The following SEPTIN11 variants were observed in gnomAD, a reference collection of about 807,000 sequenced individuals.
The protein encoded by SEPTIN11 is septin-11.
In SEPTIN11, 25 loss-of-function variants were observed where a neutral mutation model predicts 51.4. The observed-to-expected ratio is 0.49, with a 90% CI of 0.35 to 0.68. The LOEUF is 0.68. SEPTIN11 is among the 30% of genes least tolerant of loss of function. The pLI, the probability that SEPTIN11 is intolerant of heterozygous loss-of-function variation, is 0.00. For missense variants in SEPTIN11, 381 were observed against 520.8 expected (o/e 0.73, Z 2.61); for synonymous variants, 174 against 184.1 (o/e 0.95, Z 0.44).
At chr4:76,994,733 G>T (rs1341223628) in intron 1 of SEPTIN11, among the ~76,000 whole-genome samples, 1 of 151,982 alleles carries the variant, frequency 6.6e-6, no homozygotes, top group Non-Finnish European at 1.5e-5. Flanking sequence ...TAAAATCACT[G>T]CATTTCTGGA....
chr4:76,962,358 C>T lies in SEPTIN11; in HGVS notation c.27+12428C>T, dbSNP rs771867527. On this transcript the variant is annotated intron_variant, in intron 1 of 9. Transcript: ENST00000264893. ...GCTATAACTAGCGTTTTAAAAATCTCAATCTTTAAATGCCTTTTAAGATAA... is the reference window on the plus strand; with the variant it reads ...GCTATAACTAGCGTTTTAAAAATCTTAATCTTTAAATGCCTTTTAAGATAA... 1.9e-4 allele frequency among the ~76,000 whole-genome samples: 29 copies of T among 152,346 alleles called. No homozygotes were observed. In the Middle Eastern group the frequency reaches 0.014, roughly 71 times the overall value.
At position 77,035,866 on chromosome 4, in the gene SEPTIN11, T is replaced by C; in HGVS notation, c.*1354T>C. 1.0e-6 allele frequency: 1 copy of C among 985,920 alleles called. No individual in the cohort carries two copies. The highest frequency in any genetic ancestry group is 1.2e-6 in the Non-Finnish European group (1 of 829,972). 61.1% of individuals were successfully genotyped at this position (985,920 alleles called of 1,614,324 possible). A position where few individuals can be genotyped will look rare whatever the true frequency, so the allele number is the denominator to read the frequency against. On this transcript the variant is annotated 3_prime_UTR_variant, in exon 10 of 10. Transcript: ENST00000264893. ...GATGCTTATCCTTTCATCTGTGTGATTGTTTTTTCCCCTCTACTAACAAGA... is the reference window on the plus strand; with the variant it reads ...GATGCTTATCCTTTCATCTGTGTGACTGTTTTTTCCCCTCTACTAACAAGA...
chr4:76,977,640 T>G (rs1252294323), intron 1 of SEPTIN11, among the ~76,000 whole-genome samples: 5 of 152,146 alleles, frequency 3.3e-5, no homozygotes, highest in African/African-American at 4.8e-5. Flanking sequence ...AGTCTAATTT[T>G]AATACCAGGT....
intron 1 of SEPTIN11, among the ~76,000 whole-genome samples, chr4:76,971,328 C>T (rs1315412787): frequency 6.6e-6 from 1 of 152,034 alleles, no homozygotes; most frequent in African/African-American, 2.4e-5. Context: ...AGTAACTTTC[C>T]CCAAAGTCAT....
intron 8 of SEPTIN11, among the ~76,000 whole-genome samples, chr4:77,029,264 C>T (rs72860205): frequency 6.6e-6 from 1 of 152,120 alleles, no homozygotes; most frequent in African/African-American, 2.4e-5. Context: ...TAGTCCCCTC[C>T]CCTGGCCAGA....
chr4:76,962,638 G>C (rs139889987), intron 1 of SEPTIN11, among the ~76,000 whole-genome samples: 259 of 152,134 alleles, frequency 1.7e-3, no homozygotes, highest in African/African-American at 5.9e-3. Context: ...TTTTGTGTTT[G>C]TTTTTTTCCT....
intron 1 of SEPTIN11, chr4:76,959,268 TAA>T (rs369127502): frequency 0.048 from 5,777 of 120,578 alleles, 155 homozygotes; most frequent in East Asian, 0.13. Context: ...TTTTTTTTTT[TAA>T]AAATAATAAT....
chr4:76,993,339 G>A (rs1275078768), intron 1 of SEPTIN11, among the ~76,000 whole-genome samples: 1 of 152,092 alleles, frequency 6.6e-6, no homozygotes, highest in Non-Finnish European at 1.5e-5. Flanking sequence ...TTCAGAACTG[G>A]ATGCCAAGCA....
intron 1 of SEPTIN11, among the ~76,000 whole-genome samples, chr4:76,968,151 A>C (rs748759860): frequency 1.3e-5 from 2 of 152,212 alleles, no homozygotes; most frequent in Non-Finnish European, 2.9e-5. Flanking sequence ...TAGGCCATGA[A>C]ATTATTTATG....
intron 1 of SEPTIN11, among the ~76,000 whole-genome samples, chr4:76,977,545 T>C (rs1722558344): frequency 6.6e-6 from 1 of 152,162 alleles, no homozygotes; most frequent in Non-Finnish European, 1.5e-5. Flanking sequence ...GTAAAAGTAT[T>C]GCTAGTTTTT....
chr4:76,949,907 G>C lies in SEPTIN11; in HGVS notation c.4G>C (p.Ala2Pro), dbSNP rs751652079. 59 of 1,530,574 alleles carry C rather than the reference G, an allele frequency of 3.9e-5. No individual in the cohort carries two copies. The highest frequency in any genetic ancestry group is 5.1e-5 in the Non-Finnish European group (59 of 1,146,416). The allele number at this position is 1,530,574 out of a possible 1,614,324, so 94.8% of individuals were successfully genotyped here. ...CGGAGCCGGTGCCGCAGCTGCGATG[G>C]CCGTGGCCGTGGGGAGACCGTCTGT... is the stretch of plus-strand genomic sequence containing the variant. MAVAVGRPSNEE... is the reference protein window; with the variant it reads MPVAVGRPSNEE... The change falls in exon 1 of 10, where the codon GCC (alanine) becomes CCC (proline). Residue 2 changes from alanine to proline, a missense_variant. By Grantham distance (27) the Ala-to-Pro change is conservative. Transcript: ENST00000264893.
chr4:76,968,841 T>C (rs2645668), intron 1 of SEPTIN11, among the ~76,000 whole-genome samples: 16,816 of 152,234 alleles, frequency 0.11, 1,649 homozygotes, highest in African/African-American at 0.25. Context: ...GATGGTAGCT[T>C]GAGCAAAATG....
At position 77,036,519 on chromosome 4, in the gene SEPTIN11, C is replaced by A; in HGVS notation, c.*2007C>A. 1 of 1,369,414 alleles carries A rather than the reference C, an allele frequency of 7.3e-7. No individual in the cohort carries two copies. The highest frequency in any genetic ancestry group is 1.6e-5 in the South Asian group (1 of 62,336). The allele number at this position is 1,369,414 out of a possible 1,614,324, so 84.8% of individuals were successfully genotyped here. ...AATTTTTTTAAAATGAGCATAACAA[C>A]GAAAGGCATCCAGCTGACTTTTTGA... On this transcript the variant is annotated 3_prime_UTR_variant, in exon 10 of 10. Coordinates refer to ENST00000264893, the MANE Select transcript of SEPTIN11 (RefSeq NM_018243.4).
chr4:76,952,235 C>G (rs141595569), intron 1 of SEPTIN11, among the ~76,000 whole-genome samples: 3 of 152,270 alleles, frequency 2.0e-5, no homozygotes, highest in African/African-American at 7.2e-5. Context: ...GTTAAGAGTT[C>G]TCTGGCCCTC....
intron 1 of SEPTIN11, among the ~76,000 whole-genome samples, chr4:76,985,282 A>G (rs1722967505): frequency 6.6e-6 from 1 of 152,234 alleles, no homozygotes; most frequent in Non-Finnish European, 1.5e-5. Context: ...AGACTTTTAG[A>G]AAAACATTCT....
chr4:76,992,355 A>T (rs1723426584), intron 1 of SEPTIN11, among the ~76,000 whole-genome samples: 1 of 152,186 alleles, frequency 6.6e-6, no homozygotes, highest in South Asian at 2.1e-4. Context: ...TGAAATAATT[A>T]TGCTGTCTGG....
chr4:76,990,136 A>G (rs1723283033), intron 1 of SEPTIN11, among the ~76,000 whole-genome samples: 1 of 152,094 alleles, frequency 6.6e-6, no homozygotes, highest in South Asian at 2.1e-4. Context: ...GTTGTATCAG[A>G]GTGCCCTTTT....
At chr4:76,994,733 G>C (rs1341223628) in intron 1 of SEPTIN11, among the ~76,000 whole-genome samples, 1 of 151,982 alleles carries the variant, frequency 6.6e-6, no homozygotes, top group Non-Finnish European at 1.5e-5. Context: ...TAAAATCACT[G>C]CATTTCTGGA....
At chr4:76,989,138 G>A (rs919582069) in intron 1 of SEPTIN11, among the ~76,000 whole-genome samples, 3 of 152,180 alleles carry the variant, frequency 2.0e-5, no homozygotes, top group Non-Finnish European at 4.4e-5. Flanking sequence ...ACTTTACAGA[G>A]GAGGAAACAT....
Sources: gnomAD v4.1 joint callset for allele counts (sites outside exome capture counted in the v4.1 genomes callset) on GRCh38, gnomAD v4.1.1 for gene constraint, MANE v1.5 for transcripts, NCBI Gene and HGNC (gene_info 2026-07-23, HGNC 2026-07-21) for gene names.